CHRM3: variants seen among roughly 807,000 people sequenced by gnomAD.
CHRM3 encodes muscarinic acetylcholine receptor M3.
CHRM3 carries 11 observed loss-of-function variants against 41.8 expected under a neutral mutation model. The observed-to-expected ratio is 0.26, with a 90% CI of 0.17 to 0.44. The LOEUF is 0.44. Among genes scored for constraint, CHRM3 ranks in the 20% least tolerant of loss-of-function variants. The pLI is 1.00. For synonymous variants in CHRM3, 297 were observed against 301.4 expected (o/e 0.99, Z 0.15); for missense variants, 571 against 745.4 (o/e 0.77, Z 2.72).
intron 2 of CHRM3, among the ~76,000 whole-genome samples, chr1:239,506,223 A>G (rs1241980605): frequency 6.6e-6 from 1 of 152,148 alleles, no homozygotes; most frequent in Non-Finnish European, 1.5e-5. Flanking sequence ...CCTCAAGACA[A>G]TGGGGAAAAT....
intron 5 of CHRM3, chr1:239,730,495 G>A (rs537900089): frequency 6.6e-6 from 1 of 152,122 alleles, no homozygotes; most frequent in Non-Finnish European, 1.5e-5. Context: ...GGCTTCTTAA[G>A]GGAAATATTC....
chr1:239,703,997 A>G (rs1660914762), intron 5 of CHRM3: 1 of 152,238 alleles, frequency 6.6e-6, no homozygotes, highest in African/African-American at 2.4e-5. Context: ...ACTTTGGAGA[A>G]GTAGTTCTTT....
At chr1:239,611,707 C>T (rs1287229327) in intron 3 of CHRM3, among the ~76,000 whole-genome samples, 1 of 152,140 alleles carries the variant, frequency 6.6e-6, no homozygotes, top group East Asian at 1.9e-4. Context: ...GCATGAGCCA[C>T]CGCACCCAGC....
At chr1:239,890,770 C>A (rs1279786076) in intron 6 of CHRM3, among the ~76,000 whole-genome samples, 1 of 152,136 alleles carries the variant, frequency 6.6e-6, no homozygotes, top group East Asian at 1.9e-4. Context: ...CCACTAGCAT[C>A]ATAAAGATTT....
Position 239,495,534 on chromosome 1 carries a change from G to A in CHRM3, c.-422+2727G>A, listed in dbSNP as rs560572678. Among the ~76,000 whole-genome samples the A allele has an allele frequency of 1.4e-4, 21 of 152,260 alleles. No individual in the cohort carries two copies. In the South Asian group the frequency reaches 3.7e-3, roughly 27 times the overall value. ...AGACCTATACTGCAGTGGGATTTAT[G>A]CTCTCTGAAGTTACAGTGGAATGGA... On this transcript the variant is annotated intron_variant, in intron 2 of 6. Coordinates refer to ENST00000676153, the MANE Select transcript of CHRM3 (RefSeq NM_001375978.1).
At chr1:239,830,345 A>G (rs1398474088) in intron 6 of CHRM3, among the ~76,000 whole-genome samples, 1 of 152,326 alleles carries the variant, frequency 6.6e-6, no homozygotes, top group Middle Eastern at 3.4e-3. Context: ...AAAGCGGTGT[A>G]TGTGAAATTT....
intron 6 of CHRM3, among the ~76,000 whole-genome samples, chr1:239,853,638 A>T (rs1335841858): frequency 3.3e-5 from 5 of 152,100 alleles, no homozygotes; most frequent in Non-Finnish European, 5.9e-5. Flanking sequence ...GTACAAAAAA[A>T]TTAATCAGTT....
rs574990213 is a variant in CHRM3, at chr1:239,575,447, T to C, written c.-313+29698T>C. ...AACCCAAATAATTCATATTCTTTTA[T>C]TGTTAATATCTTACAAGATTTCTAA... On this transcript the variant is annotated intron_variant, in intron 3 of 6. Transcript: ENST00000676153. Among the ~76,000 whole-genome samples, 32 of 152,308 alleles carry C rather than the reference T, an allele frequency of 2.1e-4. No individual in the cohort carries two copies. The South Asian group carries it at 4.8e-3, about 23-fold the overall frequency.
intron 1 of CHRM3, among the ~76,000 whole-genome samples, chr1:239,469,887 C>T (rs1470866162): frequency 4.6e-5 from 7 of 152,154 alleles, no homozygotes; most frequent in Non-Finnish European, 8.8e-5. Flanking sequence ...ATTCCTTGGA[C>T]AGCCTCCTTT....
At position 239,787,469 on chromosome 1, in the gene CHRM3, A is replaced by G. The variant is rs117859749; in HGVS notation, c.-146-39783A>G. Among the ~76,000 whole-genome samples the G allele has an allele frequency of 7.3e-4, 111 of 152,320 alleles. 1 individual carries two copies. In the East Asian group the frequency reaches 0.02, roughly 27 times the overall value. ...GGAAGAAGCCAAGACATCAGGTCTT[A>G]GAAGCCGAAACAAGAACTCCCAGTG... On this transcript the variant is annotated intron_variant, in intron 5 of 6. Coordinates refer to ENST00000676153, the MANE Select transcript of CHRM3 (RefSeq NM_001375978.1).
chr1:239,683,924 T>C lies in CHRM3; in HGVS notation c.-147+5636T>C, dbSNP rs533330333. Among the ~76,000 whole-genome samples, 33 of 152,332 alleles carry C rather than the reference T, an allele frequency of 2.2e-4. No homozygotes were observed. The South Asian group carries it at 6.8e-3, about 32-fold the overall frequency. ...AAGATGGTCCAAAGCAATAGGATGA[T>C]CTTAGCAATAATATAAGCTTTTCAC... On this transcript the variant is annotated intron_variant, in intron 5 of 6. Transcript: ENST00000676153.
intron 3 of CHRM3, among the ~76,000 whole-genome samples, chr1:239,592,066 T>C (rs1304227383): frequency 1.3e-5 from 2 of 152,194 alleles, no homozygotes; most frequent in South Asian, 2.1e-4. Flanking sequence ...CAGTCTTTTA[T>C]TTTCTCTCTG....
chr1:239,750,430 G>A (rs1426483782), intron 5 of CHRM3, among the ~76,000 whole-genome samples: 4 of 152,168 alleles, frequency 2.6e-5, no homozygotes, highest in Admixed American at 2.6e-4. Flanking sequence ...GACAGCTTGT[G>A]TTGCTTCCAT....
intron 6 of CHRM3, among the ~76,000 whole-genome samples, chr1:239,891,878 G>A (rs1300174061): frequency 6.6e-6 from 1 of 152,166 alleles, no homozygotes; most frequent in African/African-American, 2.4e-5. Context: ...GCTGGTTTCT[G>A]GTCAGCCTTA....
chr1:239,806,417 TAC>T (rs5782102), intron 5 of CHRM3, among the ~76,000 whole-genome samples: 48 of 146,122 alleles, frequency 3.3e-4, no homozygotes, highest in South Asian at 1.8e-3. Context: ...AGGATGGAGT[TAC>T]ACACACACAC....
intron 6 of CHRM3, among the ~76,000 whole-genome samples, chr1:239,881,720 G>A (rs1248374715): frequency 2.0e-5 from 3 of 152,130 alleles, no homozygotes; most frequent in Non-Finnish European, 2.9e-5. Flanking sequence ...TTCACCAAAG[G>A]AAGAAAACCT....
intron 6 of CHRM3, among the ~76,000 whole-genome samples, chr1:239,866,008 C>T (rs1393820825): frequency 6.6e-6 from 1 of 152,072 alleles, no homozygotes; most frequent in Non-Finnish European, 1.5e-5. Context: ...TTAATCCTGG[C>T]AACAGCTGTA....
At chr1:239,525,294 C>G (rs1340718266) in intron 2 of CHRM3, among the ~76,000 whole-genome samples, 1 of 152,124 alleles carries the variant, frequency 6.6e-6, no homozygotes, top group African/African-American at 2.4e-5. Context: ...GCCAGTGATC[C>G]CACCACTGCT....
chr1:239,907,320 G>A lies in CHRM3; in HGVS notation c.-19-113G>A. ...AATGAACTTGATGTTTGGCTTCATA[G>A]AGATTCAGCACCCTGTAATAGGCCT... On this transcript the variant is annotated intron_variant, in intron 6 of 6. Transcript: ENST00000676153. This position sits in a 1 kb window ranked among gnomAD's most constrained non-coding sequence, Gnocchi z 5.4. 1.4e-6 allele frequency: 1 copy of A among 725,332 alleles called. No homozygotes were observed. Among genetic ancestry groups the A allele is most frequent in the Non-Finnish European group, 2.3e-6 (1 of 443,742 alleles). The allele number at this position is 725,332 out of a possible 1,614,324, so 44.9% of individuals were successfully genotyped here.
Sources: gnomAD v4.1 joint callset for allele counts (sites outside exome capture counted in the v4.1 genomes callset) on GRCh38, gnomAD v4.1.1 for gene constraint, Gnocchi (gnomAD v3.1) non-coding constraint, MANE v1.5 for transcripts, NCBI Gene and HGNC (gene_info 2026-07-23, HGNC 2026-07-21) for gene names.